Variants in RBFOX1 observed in about 807,000 individuals in gnomAD.
The protein encoded by RBFOX1 is RNA binding fox-1 homolog 1, also known as RNA binding protein fox-1 homolog 1.
A neutral mutation model predicts 57.7 loss-of-function variants in RBFOX1; 8 were observed. The ratio of observed to expected loss-of-function variants is 0.14; its 90% CI spans 0.08 to 0.25. The LOEUF (loss-of-function observed/expected upper bound fraction) is 0.25, where lower values mean the gene tolerates loss of function less well. Among genes scored for constraint, RBFOX1 ranks in the 10% least tolerant of loss-of-function variants. RBFOX1 has a pLI of 1.00. For missense variants in RBFOX1, 611 were observed against 548.5 expected (o/e 1.11, Z -1.14); for synonymous variants, 326 against 222.4 (o/e 1.47, Z -4.15).
intron 2 of RBFOX1, among the ~76,000 whole-genome samples, chr16:6,471,155 A>G (rs1269918298): frequency 6.6e-6 from 1 of 152,006 alleles, no homozygotes. Context: ...CCATCAGTTC[A>G]CCCAGTCACA....
At chr16:7,275,668 G>A (rs1490531979) in intron 4 of RBFOX1, among the ~76,000 whole-genome samples, 2 of 152,134 alleles carry the variant, frequency 1.3e-5, no homozygotes, top group African/African-American at 4.8e-5. Flanking sequence ...AACATAATTG[G>A]AGTTCTGGAC....
intron 3 of RBFOX1, among the ~76,000 whole-genome samples, chr16:6,984,619 G>A (rs2089805965): frequency 6.6e-6 from 1 of 152,044 alleles, no homozygotes; most frequent in Non-Finnish European, 1.5e-5. Flanking sequence ...TGCCCAGTGA[G>A]TTTACCACAT....
chr16:7,117,483 G>A (rs923220939), intron 4 of RBFOX1, among the ~76,000 whole-genome samples: 3 of 152,078 alleles, frequency 2.0e-5, no homozygotes, highest in African/African-American at 7.2e-5. Flanking sequence ...CTTAATGTGT[G>A]AGTTTAGGAA....
chr16:6,950,253 C>T (rs566199029), intron 3 of RBFOX1, among the ~76,000 whole-genome samples: 8 of 152,004 alleles, frequency 5.3e-5, no homozygotes, highest in South Asian at 4.2e-4. Flanking sequence ...CCACCATGTC[C>T]GGCCAGCACA....
intron 3 of RBFOX1, among the ~76,000 whole-genome samples, chr16:5,786,116 TG>T (rs1026004205): frequency 5.9e-5 from 9 of 152,178 alleles, no homozygotes; most frequent in Admixed American, 5.9e-4. Context: ...AGGCCCTTGG[TG>T]ATTCAGACTT....
intron 14 of RBFOX1, among the ~76,000 whole-genome samples, chr16:7,698,642 C>G (rs1045420403): frequency 6.6e-6 from 1 of 152,164 alleles, no homozygotes; most frequent in African/African-American, 2.4e-5. Flanking sequence ...ATCTAATTGT[C>G]TTTTCTGCAT....
At chr16:7,104,977 G>A (rs1355526699) in intron 4 of RBFOX1, among the ~76,000 whole-genome samples, 3 of 151,920 alleles carry the variant, frequency 2.0e-5, no homozygotes, top group Admixed American at 6.6e-5. Context: ...TTGTGTGTGT[G>A]TCTTTATGTT....
chr16:7,684,649 T>A (rs1409927222), intron 14 of RBFOX1, among the ~76,000 whole-genome samples: 1 of 152,002 alleles, frequency 6.6e-6, no homozygotes, highest in Non-Finnish European at 1.5e-5. Context: ...GATTGTTAGA[T>A]GCTTCTAACA....
At chr16:7,659,019 C>G (rs937854349) in intron 12 of RBFOX1, among the ~76,000 whole-genome samples, 3 of 152,226 alleles carry the variant, frequency 2.0e-5, no homozygotes, top group Non-Finnish European at 4.4e-5. Flanking sequence ...GCCACCGCCC[C>G]CTGGCCATGT....
In RBFOX1 at chr16:6,060,122, G is replaced by GTTTTTTTTTTTTTTTT. The variant is rs199690584; in HGVS notation, c.-127+40151_-127+40166dup. Among the ~76,000 whole-genome samples the GTTTTTTTTTTTTTTTT allele has an allele frequency of 4.6e-4, 53 of 114,206 alleles. 5 individuals are homozygous for GTTTTTTTTTTTTTTTT. Among genetic ancestry groups the GTTTTTTTTTTTTTTTT allele is most frequent in the African/African-American group, 9.7e-4 (27 of 27,758 alleles). 74.9% of individuals were successfully genotyped at this position (114,206 alleles called of 152,430 possible). ...ATTTGGCCCTAAAATTAGGATTAGG[G>GTTTTTTTTTTTTTTTT]TTTTTTTTTTTTTTTTTTTTTTTTT... is the stretch of plus-strand genomic sequence containing the variant. On this transcript the variant is annotated intron_variant, in intron 1 of 15. Coordinates refer to ENST00000550418, the MANE Select transcript of RBFOX1 (RefSeq NM_018723.4).
chr16:6,177,493 T>G (rs1429850657), intron 1 of RBFOX1, among the ~76,000 whole-genome samples: 2 of 152,152 alleles, frequency 1.3e-5, no homozygotes, highest in Non-Finnish European at 2.9e-5. Flanking sequence ...ATTTTCATAC[T>G]GTTTCATAAC....
intron 2 of RBFOX1, among the ~76,000 whole-genome samples, chr16:5,584,899 G>A (rs185097836): frequency 1.6e-4 from 25 of 152,258 alleles, no homozygotes; most frequent in African/African-American, 6.0e-4. Context: ...GTAGAAATCT[G>A]TGGTTTTATA....
At chr16:5,963,829 C>T (rs937024160) in intron 4 of RBFOX1, among the ~76,000 whole-genome samples, 5 of 152,142 alleles carry the variant, frequency 3.3e-5, no homozygotes, top group African/African-American at 1.2e-4. Flanking sequence ...GGAGAAAGTG[C>T]CTTGACATTG....
chr16:6,654,455 A>G (rs1387499686), intron 2 of RBFOX1, 148 bp from the exon 3 acceptor site: 4 of 623,622 alleles, frequency 6.4e-6, no homozygotes, highest in African/African-American at 1.9e-5. Context: ...AAAGCACTAT[A>G]AAGAGCAATG....
chr16:7,573,316 A>G (rs2092985756), intron 5 of RBFOX1, among the ~76,000 whole-genome samples: 1 of 152,184 alleles, frequency 6.6e-6, no homozygotes, highest in African/African-American at 2.4e-5. Context: ...GTCACAGCCG[A>G]GAACACTGAA....
chr16:6,464,848 C>T (rs199887828), intron 2 of RBFOX1, among the ~76,000 whole-genome samples: 57 of 152,320 alleles, frequency 3.7e-4, no homozygotes, highest in East Asian at 2.1e-3. Flanking sequence ...GATAGCAGTG[C>T]GTTAAAAACA....
At chr16:5,920,286 T>C (rs1379939826) in intron 4 of RBFOX1, among the ~76,000 whole-genome samples, 2 of 152,192 alleles carry the variant, frequency 1.3e-5, no homozygotes, top group Non-Finnish European at 2.9e-5. Flanking sequence ...CTCAGTCTTA[T>C]TCCTTTTTAT....
At chr16:5,622,591 G>T (rs925457089) in intron 3 of RBFOX1, among the ~76,000 whole-genome samples, 1 of 152,234 alleles carries the variant, frequency 6.6e-6, no homozygotes, top group African/African-American at 2.4e-5. Flanking sequence ...TAGACCAAGG[G>T]TTGGCAAACT....
chr16:6,582,460 A>ATT (rs1567765783), intron 2 of RBFOX1, among the ~76,000 whole-genome samples: 1 of 11,624 alleles, frequency 8.6e-5, no homozygotes, highest in Admixed American at 1.4e-3. Flanking sequence ...TGTTAGCGCC[A>ATT]ATTTTTTTTT....
Sources: allele counts gnomAD v4.1 joint callset (sites outside exome capture counted in the v4.1 genomes callset), GRCh38; gene constraint gnomAD v4.1.1; transcripts MANE v1.5; gene names NCBI Gene and HGNC (gene_info 2026-07-23, HGNC 2026-07-21).